RHOBTB2: variants seen among roughly 807,000 people sequenced by gnomAD.
RHOBTB2 encodes the protein Rho related BTB domain containing 2.
In RHOBTB2, 39 loss-of-function variants were observed where a neutral mutation model predicts 66.5. The observed-to-expected ratio is 0.59, with a 90% CI of 0.45 to 0.77. The LOEUF (loss-of-function observed/expected upper bound fraction) is 0.77. Ranked by LOEUF, RHOBTB2 falls within the 30% of genes least tolerant of loss-of-function variation. RHOBTB2 has a pLI of 0.00. For missense variants in RHOBTB2, 755 were observed against 999.1 expected (o/e 0.76, Z 3.29); for synonymous variants, 390 against 395.0 (o/e 0.99, Z 0.15).
the RHOBTB2 span, among the ~76,000 whole-genome samples, chr8:22,955,022 T>C: frequency 3.3e-5 from 5 of 152,222 alleles, no homozygotes; most frequent in South Asian, 2.1e-4. Context: ...TCCCAGCTAC[T>C]TGGGGGGCTG....
chr8:22,982,173 C>G, the RHOBTB2 span, among the ~76,000 whole-genome samples: 3 of 152,208 alleles, frequency 2.0e-5, no homozygotes, highest in Admixed American at 2.0e-4. Flanking sequence ...TTCAGTGCCT[C>G]CATCCCTATG....
the RHOBTB2 span, among the ~76,000 whole-genome samples, chr8:22,960,263 A>C: frequency 1.1e-4 from 16 of 152,122 alleles, no homozygotes; most frequent in African/African-American, 3.9e-4. Context: ...TTTATAAGAA[A>C]GTTTAGAAGA....
chr8:22,974,567 C>A, the RHOBTB2 span, among the ~76,000 whole-genome samples: 5 of 152,168 alleles, frequency 3.3e-5, no homozygotes, highest in Non-Finnish European at 7.3e-5. Flanking sequence ...AAAGATTAGA[C>A]CTTAGTCACT....
At chr8:22,968,862 T>C in the RHOBTB2 span, among the ~76,000 whole-genome samples, 10 of 151,286 alleles carry the variant, frequency 6.6e-5, no homozygotes, top group African/African-American at 2.2e-4. Context: ...TTATATGATA[T>C]TGGAGAGGGA....
At position 23,007,046 on chromosome 8, in the gene RHOBTB2, C is replaced by T. The variant is rs547602967; in HGVS notation, c.801C>T (p.Asp267=). Residue 267 remains aspartate, a synonymous_variant, in exon 5 of 10, where the codon GAC becomes GAT. Coordinates refer to ENST00000251822, the MANE Select transcript of RHOBTB2 (RefSeq NM_015178.3). ...TCCTGGAGGACCCGCTCTGCGCGGA[C>T]GTCATCCTGGTGCTGCAGGAGCGGG... is the stretch of plus-strand genomic sequence containing the variant. ...AHLLEDPLCA[D]VILVLQERVR... 2.2e-5 allele frequency: 36 copies of T among 1,609,788 alleles called. No individual in the cohort carries two copies. The Admixed American group carries it at 2.7e-4, about 12-fold the overall frequency.
the RHOBTB2 span, among the ~76,000 whole-genome samples, chr8:22,957,458 C>A: frequency 6.6e-6 from 1 of 152,192 alleles, no homozygotes; most frequent in Non-Finnish European, 1.5e-5. Context: ...CGACAGCCAG[C>A]CCTTCTTGGC....
chr8:22,977,533 C>G, the RHOBTB2 span, among the ~76,000 whole-genome samples: 20 of 148,460 alleles, frequency 1.3e-4, no homozygotes, highest in Non-Finnish European at 2.5e-4. Context: ...GATCATATCA[C>G]TGCACTCCAG....
chr8:22,987,897 C>T (rs550921936), intron 1 of RHOBTB2, among the ~76,000 whole-genome samples: 3 of 152,220 alleles, frequency 2.0e-5, no homozygotes, highest in African/African-American at 4.8e-5. Context: ...CATGTGCCAG[C>T]GGCAGGCCTG....
the RHOBTB2 span, among the ~76,000 whole-genome samples, chr8:22,971,055 C>T: frequency 1.3e-5 from 2 of 152,174 alleles, no homozygotes; most frequent in African/African-American, 2.4e-5. Context: ...TGAAATCCTC[C>T]ATCTTCCTCC....
chr8:23,007,195 A>G lies in RHOBTB2; in HGVS notation c.950A>G (p.Glu317Gly), dbSNP rs1313277460. The stretch of plus-strand genomic sequence containing the variant: ...TCGGAGCCAGGGGGCACCCACCCAG[A>G]GGACCACCAGGGCCACTCTGATCAA... ...GPSEPGGTHP[E>G]DHQGHSDQHH... The change falls in exon 5 of 10, where the codon GAG becomes GGG. Residue 317 changes from glutamate (E) to glycine (G), a missense_variant. By Grantham distance (98) the Glu-to-Gly change is moderately conservative (BLOSUM62 -2). Around this residue, in one of 7 missense-constraint regions of RHOBTB2, gnomAD observed 247 missense variants for 238.9 expected, o/e 1.03. Transcript: ENST00000251822. 2 of 1,604,800 alleles carry G rather than the reference A, an allele frequency of 1.2e-6. No individual in the cohort carries two copies. Among genetic ancestry groups the G allele is most frequent in the South Asian group, 2.2e-5 (2 of 90,586 alleles).
chr8:23,013,835 T>A (rs1022535547), intron 7 of RHOBTB2, among the ~76,000 whole-genome samples: 4 of 152,208 alleles, frequency 2.6e-5, no homozygotes, highest in African/African-American at 9.6e-5. Flanking sequence ...CCCCTTAGAT[T>A]TGAACATTCT....
chr8:22,995,714 C>T (rs959130992), upstream of RHOBTB2: 1 of 780,786 alleles, frequency 1.3e-6, no homozygotes, highest in Admixed American at 2.2e-5. Flanking sequence ...AATGCCTCTG[C>T]TTTTGCTCAT....
At chr8:22,990,624 T>C (rs1810402359) in intron 1 of RHOBTB2, among the ~76,000 whole-genome samples, 1 of 151,714 alleles carries the variant, frequency 6.6e-6, no homozygotes. Context: ...AGGAAGAGGG[T>C]GGGTTGGGAG....
chr8:22,960,982 G>A, the RHOBTB2 span, among the ~76,000 whole-genome samples: 1 of 152,202 alleles, frequency 6.6e-6, no homozygotes, highest in African/African-American at 2.4e-5. Flanking sequence ...CATGGAGACT[G>A]TAGATTCTGT....
intron 2 of RHOBTB2, among the ~76,000 whole-genome samples, chr8:22,994,347 T>G (rs981846864): frequency 2.0e-5 from 3 of 152,216 alleles, no homozygotes; most frequent in Non-Finnish European, 4.4e-5. Flanking sequence ...CGGCCTCTCA[T>G]CTAGTCCCTT....
Position 23,007,043 on chromosome 8 carries a change from G to A in RHOBTB2, c.798G>A (p.Ala266=), listed in dbSNP as rs879846552. 1.1e-5 allele frequency: 18 copies of A among 1,609,604 alleles called. No individual in the cohort carries two copies. Among genetic ancestry groups the A allele is most frequent in the South Asian group, 2.2e-5 (2 of 90,820 alleles). ...PAHLLEDPLC[A]DVILVLQERV... ...ACCTCCTGGAGGACCCGCTCTGCGC[G>A]GACGTCATCCTGGTGCTGCAGGAGC... The change falls in exon 5 of 10, where the codon GCG becomes GCA. Residue 266 remains alanine (A), a synonymous_variant. Coordinates refer to ENST00000251822, the MANE Select transcript of RHOBTB2 (RefSeq NM_015178.3).
intron 2 of RHOBTB2, among the ~76,000 whole-genome samples, chr8:22,992,349 C>A (rs1810446489): frequency 6.6e-6 from 1 of 152,088 alleles, no homozygotes; most frequent in African/African-American, 2.4e-5. Flanking sequence ...GATGCTAATG[C>A]CTCATGAAAA....
chr8:22,973,962 C>T, the RHOBTB2 span, among the ~76,000 whole-genome samples: 1 of 149,434 alleles, frequency 6.7e-6, no homozygotes, highest in African/African-American at 2.6e-5. Flanking sequence ...CCCCAGGCAC[C>T]AGCCCTTCCA....
intron 7 of RHOBTB2, among the ~76,000 whole-genome samples, chr8:23,013,616 C>T (rs1398597454): frequency 1.3e-5 from 2 of 151,826 alleles, no homozygotes; most frequent in East Asian, 1.9e-4. Flanking sequence ...ATGCCTCAGT[C>T]GCCCGAGTAG....
Sources: gnomAD v4.1 joint callset for allele counts (sites outside exome capture counted in the v4.1 genomes callset) on GRCh38, gnomAD v4.1.1 for gene constraint, gnomAD v4.1.1 regional missense constraint, MANE v1.5 for transcripts, NCBI Gene and HGNC (gene_info 2026-07-23, HGNC 2026-07-21) for gene names.